PLCB4: variants seen among roughly 807,000 people sequenced by gnomAD.
PLCB4 encodes the protein phospholipase C beta 4.
Under a neutral mutation model 178.8 loss-of-function variants are expected in PLCB4, and 77 were observed. That is an observed-to-expected ratio of 0.43 (90% CI 0.36 to 0.52). The LOEUF (loss-of-function observed/expected upper bound fraction) is 0.52. Among genes scored for constraint, PLCB4 ranks in the 20% least tolerant of loss-of-function variants. PLCB4 has a pLI of 0.00. For synonymous variants in PLCB4, 496 were observed against 490.8 expected, an observed-to-expected ratio of 1.01 and a Z score of -0.14; for missense variants, 1,024 against 1,453.4, an observed-to-expected ratio of 0.70 and a Z score of 4.80.
intron 25 of PLCB4, among the ~76,000 whole-genome samples, chr20:9,416,592 C>T (rs1032012846): frequency 9.2e-5 from 14 of 152,184 alleles, no homozygotes; most frequent in Admixed American, 7.9e-4. Flanking sequence ...CACCTACTTT[C>T]CATCCTGATT....
chr20:9,176,676 T>C (rs2093160737), intron 2 of PLCB4, among the ~76,000 whole-genome samples: 1 of 152,182 alleles, frequency 6.6e-6, no homozygotes, highest in South Asian at 2.1e-4. Flanking sequence ...TCTTACTTTA[T>C]GCATAAAATT....
intron 38 of PLCB4, among the ~76,000 whole-genome samples, chr20:9,476,004 C>T (rs565888088): frequency 2.8e-4 from 43 of 152,280 alleles, no homozygotes; most frequent in African/African-American, 1.0e-3. Flanking sequence ...AAACATTCTC[C>T]CATAGTATTT....
At chr20:9,213,054 C>A (rs910320214) in intron 2 of PLCB4, among the ~76,000 whole-genome samples, 1 of 150,336 alleles carries the variant, frequency 6.7e-6, no homozygotes, top group Non-Finnish European at 1.5e-5. Context: ...GTGGATTTGC[C>A]TGTAGTGGAC....
In PLCB4 at chr20:9,365,999, G is replaced by T. The variant is rs1269399255; in HGVS notation, c.503+485G>T. On this transcript the variant is annotated intron_variant, in intron 9 of 39. Coordinates refer to ENST00000378473, the MANE Select transcript of PLCB4 (RefSeq NM_001377142.1). The stretch of plus-strand genomic sequence containing the variant: ...GATGGGGATACTTCTCTGGCTTCGT[G>T]CTGCCTACTCTCTACATGTACTGTA... Among the ~76,000 whole-genome samples, 12 of 152,224 alleles carry T rather than the reference G, an allele frequency of 7.9e-5. No homozygotes were observed. In the South Asian group the frequency reaches 1.2e-3, roughly 16 times the overall value.
At chr20:9,182,108 A>C (rs192231969) in intron 2 of PLCB4, among the ~76,000 whole-genome samples, 1 of 152,300 alleles carries the variant, frequency 6.6e-6, no homozygotes, top group East Asian at 1.9e-4. Flanking sequence ...TCAAAAAATA[A>C]GTTTTGTATA....
In PLCB4 at chr20:9,217,404, G is replaced by T. The variant is rs1401158993; in HGVS notation, c.-64G>T. On this transcript the variant is annotated 5_prime_UTR_variant, in exon 3 of 40. Transcript: ENST00000378473. ...GTCTGTTTCAGAGGACAGTGCTGCT[G>T]TGAGTTTGACGAAGTGGACATCACC... 1 of 152,228 alleles carries T rather than the reference G, an allele frequency of 6.6e-6. No homozygotes were observed. The highest frequency in any genetic ancestry group is 1.5e-5 in the Non-Finnish European group (1 of 68,046). 9.4% of individuals were successfully genotyped at this position (152,228 alleles called of 1,614,324 possible). A position where few individuals can be genotyped will look rare whatever the true frequency, so the allele number is the denominator to read the frequency against.
intron 7 of PLCB4, among the ~76,000 whole-genome samples, chr20:9,356,378 CTATT>C (rs2034826077): frequency 6.6e-6 from 1 of 152,136 alleles, no homozygotes; most frequent in East Asian, 1.9e-4. Flanking sequence ...TCTACAGTCC[CTATT>C]TATTTTAGAA....
chr20:9,381,905 C>A (rs1406100410), intron 13 of PLCB4, among the ~76,000 whole-genome samples: 1 of 152,156 alleles, frequency 6.6e-6, no homozygotes, highest in African/African-American at 2.4e-5. Flanking sequence ...GATCTCTGCT[C>A]CACCTATATT....
rs182623668 is a variant in PLCB4 at position 9,370,171 on chromosome 20, A to C, written c.504-1043A>C. On this transcript the variant is annotated intron_variant, in intron 9 of 39. Coordinates refer to ENST00000378473, the MANE Select transcript of PLCB4 (RefSeq NM_001377142.1). ...TCATCACCAGGAAGTGTGTTCATCA[A>C]GGTGTTATCTATTCTACTAGCCTTG... 1.1e-3 allele frequency among the ~76,000 whole-genome samples: 160 copies of C among 152,272 alleles called. 1 individual carries two copies. The highest frequency in any genetic ancestry group is 3.7e-3 in the African/African-American group (152 of 41,552).
In PLCB4 at chr20:9,307,876, C is replaced by A. The variant is rs145938987; in HGVS notation, c.62C>A (p.Ala21Glu). The part of the protein sequence containing the change: ...KEVPSFLQEG[A>E]VFDRYEEESF... ...GTTCCCTCCTTTTTGCAAGAAGGAG[C>A]AGTTTTTGACAGATACGAGGAGGTA... Residue 21 changes from alanine to glutamate, a missense_variant, in exon 4 of 40, where the codon GCA (alanine) becomes GAA (glutamate). Physicochemically the swap from Ala to Glu is moderately radical, Grantham distance 107. This residue lies in a region of PLCB4 where 225 missense variants were observed against 291.0 expected (regional missense o/e 0.77). Coordinates refer to ENST00000378473, the MANE Select transcript of PLCB4 (RefSeq NM_001377142.1). 3.6e-4 allele frequency: 549 copies of A among 1,510,636 alleles called. 1 individual carries two copies. The highest frequency in any genetic ancestry group is 4.6e-4 in the Non-Finnish European group (500 of 1,087,026). 93.6% of individuals were successfully genotyped at this position (1,510,636 alleles called of 1,614,324 possible).
chr20:9,147,345 G>C (rs2092615797), intron 2 of PLCB4, among the ~76,000 whole-genome samples: 1 of 152,130 alleles, frequency 6.6e-6, no homozygotes, highest in Non-Finnish European at 1.5e-5. Flanking sequence ...CTAAGGACTA[G>C]TATTCCAAGG....
Position 9,380,111 on chromosome 20 carries a change from G to T in PLCB4, c.802G>T (p.Ala268Ser), listed in dbSNP as rs761141721. The change falls in exon 13 of 40, where the codon GCA becomes TCA. Residue 268 changes from alanine to serine, a missense_variant. Transcript: ENST00000378473. ...ATTTCCATTTTATGATGCCAAAAGGGCAATGCAGATCATTGAGATGTATGA... is the reference window on the plus strand; with the variant it reads ...ATTTCCATTTTATGATGCCAAAAGGTCAATGCAGATCATTGAGATGTATGA... ...ILFPFYDAKR[A>S]MQIIEMYEPD... 1.0e-5 allele frequency: 16 copies of T among 1,596,980 alleles called. No homozygotes were observed. In the South Asian group the frequency reaches 1.8e-4, roughly 18 times the overall value.
At chr20:9,212,295 A>G (rs2093681460) in intron 2 of PLCB4, among the ~76,000 whole-genome samples, 1 of 152,250 alleles carries the variant, frequency 6.6e-6, no homozygotes, top group African/African-American at 2.4e-5. Flanking sequence ...TTGCAAAACA[A>G]TCATTTCCAT....
intron 2 of PLCB4, among the ~76,000 whole-genome samples, chr20:9,133,589 T>C (rs2092321573): frequency 6.6e-6 from 1 of 152,166 alleles, no homozygotes; most frequent in Non-Finnish European, 1.5e-5. Flanking sequence ...TTAAAATCTG[T>C]TGTCCCTACA....
At chr20:9,320,297 A>G (rs1003971812) in intron 4 of PLCB4, among the ~76,000 whole-genome samples, 6 of 152,212 alleles carry the variant, frequency 3.9e-5, no homozygotes, top group Non-Finnish European at 7.3e-5. Context: ...TGGCATTTGT[A>G]AACTGTCAAG....
At chr20:9,432,756 G>A (rs958128567) in intron 28 of PLCB4, among the ~76,000 whole-genome samples, 6 of 152,168 alleles carry the variant, frequency 3.9e-5, no homozygotes, top group African/African-American at 1.4e-4. Context: ...AAAGCCATGT[G>A]GTTCTCCTAA....
At chr20:9,127,615 T>G (rs2092150342) in intron 2 of PLCB4, among the ~76,000 whole-genome samples, 1 of 151,104 alleles carries the variant, frequency 6.6e-6, no homozygotes, top group Non-Finnish European at 1.5e-5. Flanking sequence ...AACATTTAAC[T>G]TTTAAAAAAA....
intron 4 of PLCB4, among the ~76,000 whole-genome samples, chr20:9,312,352 CTACACACACACA>C: frequency 9.1e-6 from 1 of 109,690 alleles, no homozygotes; most frequent in African/African-American, 4.6e-5. Context: ...ACCTTCCACC[CTACACACACACA>C]CACACACACA....
intron 7 of PLCB4, among the ~76,000 whole-genome samples, chr20:9,357,110 C>T (rs551582522): frequency 6.6e-6 from 1 of 152,156 alleles, no homozygotes; most frequent in Non-Finnish European, 1.5e-5. Flanking sequence ...GAACAAAACC[C>T]TGTCTCAAAA....
Sources: gnomAD v4.1 joint callset for allele counts (sites outside exome capture counted in the v4.1 genomes callset) on GRCh38, gnomAD v4.1.1 for gene constraint, gnomAD v4.1.1 regional missense constraint, MANE v1.5 for transcripts, NCBI Gene and HGNC (gene_info 2026-07-23, HGNC 2026-07-21) for gene names.